CENPC: variants seen among roughly 807,000 people sequenced by gnomAD.
CENPC encodes the protein centromere protein C, also known as CENP-C 1.
A neutral mutation model predicts 112.1 loss-of-function variants in CENPC; 63 were observed. That is an observed-to-expected ratio of 0.56 (90% CI 0.46 to 0.69). The LOEUF is 0.69. Ranked by LOEUF, CENPC falls within the 30% of genes least tolerant of loss-of-function variation. CENPC has a pLI of 0.00. For synonymous variants in CENPC, 333 were observed against 367.6 expected (o/e 0.91, Z 1.08); for missense variants, 1,000 against 1,103.8 (o/e 0.91, Z 1.33).
rs1204434074 is a variant in CENPC, at chr4:67,471,022, TAAA to T, written c.*1580_*1582del. 1.3e-5 allele frequency: 2 copies of T among 152,088 alleles called. No individual in the cohort carries two copies. The highest frequency in any genetic ancestry group is 4.8e-5 in the African/African-American group (2 of 41,380). 9.4% of individuals were successfully genotyped at this position (152,088 alleles called of 1,614,324 possible). A position where few individuals can be genotyped will look rare whatever the true frequency, so the allele number is the denominator to read the frequency against. On this transcript the variant is annotated 3_prime_UTR_variant, in exon 19 of 19. Coordinates refer to ENST00000273853, the MANE Select transcript of CENPC (RefSeq NM_001812.4). ...GAGACTCAAGAGAGCATGGCAAATG[TAAA>T]AACCAAGGGGAATTTGGGAACTGCC...
chr4:67,504,055 T>C (rs868765236), intron 12 of CENPC, among the ~76,000 whole-genome samples: 5 of 124,114 alleles, frequency 4.0e-5, no homozygotes, highest in Non-Finnish European at 8.2e-5. Flanking sequence ...TTACTCAAGA[T>C]AATATAGTGA....
At position 67,479,959 on chromosome 4, in the gene CENPC, T is replaced by C. The variant is rs530442261; in HGVS notation, c.2671-4981A>G. Among the ~76,000 whole-genome samples, 5 of 152,104 alleles carry C rather than the reference T, an allele frequency of 3.3e-5. No homozygotes were observed. In the South Asian group the frequency reaches 1.0e-3, roughly 32 times the overall value. On this transcript the variant is annotated intron_variant, in intron 17 of 18. Coordinates refer to ENST00000273853, the MANE Select transcript of CENPC (RefSeq NM_001812.4). Reference sequence around the variant, plus strand: ...CTCCCTAGATTAAACCAGGAAGAAATAGAAACTCTGAAAAGACCAATAACA... The same window carrying C: ...CTCCCTAGATTAAACCAGGAAGAAACAGAAACTCTGAAAAGACCAATAACA...
At chr4:67,482,859 G>C (rs1419459361) in intron 17 of CENPC, among the ~76,000 whole-genome samples, 1 of 152,070 alleles carries the variant, frequency 6.6e-6, no homozygotes, top group South Asian at 2.1e-4. Flanking sequence ...ATAATCTCTT[G>C]TAATATGGTT....
intron 8 of CENPC, among the ~76,000 whole-genome samples, chr4:67,513,276 A>T (rs1725948258): frequency 6.6e-6 from 1 of 152,128 alleles, no homozygotes; most frequent in African/African-American, 2.4e-5. Flanking sequence ...ACTGTAAGAT[A>T]ATCAATGTTT....
intron 12 of CENPC, among the ~76,000 whole-genome samples, chr4:67,499,652 A>T (rs1000745626): frequency 2.6e-5 from 4 of 152,202 alleles, no homozygotes; most frequent in African/African-American, 9.6e-5. Flanking sequence ...TATCAGCAGT[A>T]AGGCAGTTTC....
At chr4:67,529,037 T>A (rs1461406719) in intron 5 of CENPC, among the ~76,000 whole-genome samples, 1 of 152,216 alleles carries the variant, frequency 6.6e-6, no homozygotes, top group African/African-American at 2.4e-5. Context: ...GGTATCTCCC[T>A]AGGGTCTTGA....
intron 16 of CENPC, 77 bp downstream of exon 16, chr4:67,492,103 C>G (rs1725299632): frequency 5.2e-6 from 5 of 967,136 alleles, no homozygotes; most frequent in Non-Finnish European, 7.9e-6. Context: ...GGAAAGTAGA[C>G]AGGCCAATCA....
At chr4:67,509,133 T>C (rs1293590828) in intron 9 of CENPC, 28 bp from the exon 10 acceptor site, 17 of 1,560,728 alleles carry the variant, frequency 1.1e-5, no homozygotes, top group Non-Finnish European at 1.5e-5. Flanking sequence ...AACCTAAAGT[T>C]AGTAAGTTTG....
Position 67,506,951 on chromosome 4 carries a change from T to C in CENPC, c.1905-17A>G, listed in dbSNP as rs1725752171. ...CTTGTAGATCTATAAAAATGATAAATGTATGAGTGTTTATACTTCTTCAAA... is the reference window on the plus strand; with the variant it reads ...CTTGTAGATCTATAAAAATGATAAACGTATGAGTGTTTATACTTCTTCAAA... On this transcript the variant is annotated splice_polypyrimidine_tract_variant and intron_variant, in intron 10 of 18. Coordinates refer to ENST00000273853, the MANE Select transcript of CENPC (RefSeq NM_001812.4). 6.3e-7 allele frequency: 1 copy of C among 1,582,566 alleles called. No homozygotes were observed. The highest frequency in any genetic ancestry group is 8.6e-7 in the Non-Finnish European group (1 of 1,161,512).
chr4:67,539,696 C>A, intron 4 of CENPC, 144 bp downstream of exon 4: 1 of 457,822 alleles, frequency 2.2e-6, no homozygotes, highest in South Asian at 4.8e-5. Context: ...CAAAATACCT[C>A]CAAATTTTAT....
intron 4 of CENPC, among the ~76,000 whole-genome samples, chr4:67,535,379 C>A (rs1451685769): frequency 6.6e-6 from 1 of 151,462 alleles, no homozygotes. Context: ...CAAAGGGACT[C>A]TCTGTGATAC....
chr4:67,499,807 C>T (rs1408594625), intron 12 of CENPC, among the ~76,000 whole-genome samples: 1 of 152,166 alleles, frequency 6.6e-6, no homozygotes, highest in East Asian at 1.9e-4. Context: ...CCTCACTAAG[C>T]TTAATCATTT....
intron 17 of CENPC, among the ~76,000 whole-genome samples, chr4:67,482,812 T>C (rs370477205): frequency 2.4e-4 from 36 of 152,284 alleles, no homozygotes; most frequent in South Asian, 1.7e-3. Flanking sequence ...GTTCAGGTGA[T>C]AGGTGCACCA....
At chr4:67,501,389 TC>T (rs1437040972) in intron 12 of CENPC, among the ~76,000 whole-genome samples, 1 of 152,106 alleles carries the variant, frequency 6.6e-6, no homozygotes, top group Non-Finnish European at 1.5e-5. Flanking sequence ...ACAAATTACA[TC>T]CCCTAACTCC....
At chr4:67,509,389 C>T (rs1725833694) in intron 9 of CENPC, among the ~76,000 whole-genome samples, 1 of 152,112 alleles carries the variant, frequency 6.6e-6, no homozygotes, top group Non-Finnish European at 1.5e-5. Flanking sequence ...CACTGCCCTT[C>T]TGGCCATCCT....
intron 12 of CENPC, among the ~76,000 whole-genome samples, chr4:67,497,905 T>C (rs1725485516): frequency 6.6e-6 from 1 of 151,918 alleles, no homozygotes; most frequent in African/African-American, 2.4e-5. Context: ...AGTGTACATA[T>C]ACCTTAATTT....
intron 16 of CENPC, among the ~76,000 whole-genome samples, chr4:67,491,699 T>C (rs1280718288): frequency 2.0e-5 from 3 of 151,962 alleles, no homozygotes; most frequent in African/African-American, 2.4e-5. Context: ...GTACAACTGA[T>C]TGATGCCCTT....
intron 11 of CENPC, among the ~76,000 whole-genome samples, chr4:67,506,071 A>C (rs970673797): frequency 3.3e-5 from 5 of 152,184 alleles, no homozygotes; most frequent in African/African-American, 1.2e-4. Flanking sequence ...ATAACCTCAC[A>C]AATAGTAAAG....
At chr4:67,544,298 C>T (rs1217653765) in intron 1 of CENPC, 103 bp from the exon 2 acceptor site, 4 of 660,206 alleles carry the variant, frequency 6.1e-6, no homozygotes, top group Middle Eastern at 3.2e-4. Context: ...ATACACCAAA[C>T]ATCTCCTAAG....
Sources: allele counts gnomAD v4.1 joint callset (sites outside exome capture counted in the v4.1 genomes callset), GRCh38; gene constraint gnomAD v4.1.1; transcripts MANE v1.5; gene names NCBI Gene and HGNC (gene_info 2026-07-23, HGNC 2026-07-21).